Variants in ARHGAP22 observed in about 807,000 individuals in gnomAD.
The protein encoded by ARHGAP22 is Rho GTPase activating protein 22.
Under a neutral mutation model 59.1 loss-of-function variants are expected in ARHGAP22, and 48 were observed. That is an observed-to-expected ratio of 0.81 (90% confidence interval 0.64 to 1.03). The LOEUF is 1.03. Ranked by LOEUF, ARHGAP22 falls within the 50% of genes least tolerant of loss-of-function variation. The pLI, the probability that ARHGAP22 is intolerant of heterozygous loss-of-function variation, is 0.00. For synonymous variants in ARHGAP22, 445 were observed against 416.4 expected, an observed-to-expected ratio of 1.07 and a Z score of -0.84; for missense variants, 1,015 against 958.7, an observed-to-expected ratio of 1.06 and a Z score of -0.78.
chr10:48,634,652 AG>A (rs1212861408), intron 1 of ARHGAP22, among the ~76,000 whole-genome samples: 1 of 152,116 alleles, frequency 6.6e-6, no homozygotes, highest in African/African-American at 2.4e-5. Context: ...TCTTTGGAAT[AG>A]ACTCTCCTCT....
At chr10:48,636,168 G>A (rs2061808822) in intron 1 of ARHGAP22, among the ~76,000 whole-genome samples, 1 of 152,200 alleles carries the variant, frequency 6.6e-6, no homozygotes, top group Non-Finnish European at 1.5e-5. Flanking sequence ...GGGGGTTAAG[G>A]GGTTAATGAC....
At chr10:48,513,887 T>C (rs2053035413) in intron 3 of ARHGAP22, among the ~76,000 whole-genome samples, 1 of 152,178 alleles carries the variant, frequency 6.6e-6, no homozygotes, top group Admixed American at 6.5e-5. Context: ...AAGGAAACTA[T>C]GTCTATATAA....
intron 4 of ARHGAP22, among the ~76,000 whole-genome samples, chr10:48,462,066 C>T (rs889963828): frequency 1.3e-5 from 2 of 152,182 alleles, no homozygotes; most frequent in South Asian, 4.1e-4. Context: ...AACACATGCC[C>T]GCGTGGGCTA....
chr10:48,581,913 G>A (rs2059143710), intron 2 of ARHGAP22, among the ~76,000 whole-genome samples: 1 of 152,192 alleles, frequency 6.6e-6, no homozygotes, highest in Non-Finnish European at 1.5e-5. Context: ...AGTAAGATGA[G>A]GCCTGTTCCC....
chr10:48,518,736 C>T (rs375345337), intron 3 of ARHGAP22, among the ~76,000 whole-genome samples: 1 of 152,192 alleles, frequency 6.6e-6, no homozygotes, highest in Non-Finnish European at 1.5e-5. Context: ...ACACTGGCTA[C>T]TGGAGAAGGG....
At chr10:48,471,836 A>T (rs908917276) in intron 4 of ARHGAP22, among the ~76,000 whole-genome samples, 18 of 152,234 alleles carry the variant, frequency 1.2e-4, no homozygotes, top group Non-Finnish European at 2.2e-4. Flanking sequence ...CAGCAGGCAG[A>T]GTGGTCCTCT....
intron 4 of ARHGAP22, among the ~76,000 whole-genome samples, chr10:48,479,390 T>C (rs1469966990): frequency 6.6e-6 from 1 of 152,084 alleles, no homozygotes; most frequent in Non-Finnish European, 1.5e-5. Context: ...TCCTCACCCC[T>C]GGAATAGAAT....
At chr10:48,603,862 C>T (rs1352488377) in intron 1 of ARHGAP22, among the ~76,000 whole-genome samples, 1 of 152,168 alleles carries the variant, frequency 6.6e-6, no homozygotes, top group African/African-American at 2.4e-5. Context: ...AGGCTGGAGG[C>T]CCCCCGCTGC....
At chr10:48,501,155 T>C (rs1188745400) in intron 3 of ARHGAP22, among the ~76,000 whole-genome samples, 1 of 152,082 alleles carries the variant, frequency 6.6e-6, no homozygotes, top group Non-Finnish European at 1.5e-5. Flanking sequence ...AAAATGAGGG[T>C]GTACTTTATG....
chr10:48,480,082 C>T (rs2049147342), intron 3 of ARHGAP22, among the ~76,000 whole-genome samples: 1 of 152,216 alleles, frequency 6.6e-6, no homozygotes, highest in African/African-American at 2.4e-5. Flanking sequence ...ACTTTCAGTG[C>T]CCCAGGGTGG....
At position 48,555,567 on chromosome 10, in the gene ARHGAP22, C is replaced by T; in HGVS notation, c.235-17G>A. 5 of 1,610,904 alleles carry T rather than the reference C, an allele frequency of 3.1e-6. No homozygotes were observed. The highest frequency in any genetic ancestry group is 4.2e-6 in the Non-Finnish European group (5 of 1,177,098). On this transcript the variant is annotated splice_polypyrimidine_tract_variant and intron_variant, in intron 2 of 9. Transcript: ENST00000249601. ...AATAAATCCCTAAAAAGGAGGCAAACACAAACACAGGGAGCATGAGATGAT... is the reference window on the plus strand; with the variant it reads ...AATAAATCCCTAAAAAGGAGGCAAATACAAACACAGGGAGCATGAGATGAT...
chr10:48,479,419 T>A (rs564542441), intron 4 of ARHGAP22, among the ~76,000 whole-genome samples: 6 of 152,302 alleles, frequency 3.9e-5, no homozygotes, highest in African/African-American at 1.4e-4. Context: ...TTTAGATGTC[T>A]AATACACAGT....
intron 2 of ARHGAP22, among the ~76,000 whole-genome samples, chr10:48,576,285 G>A (rs2058707685): frequency 6.6e-6 from 1 of 152,192 alleles, no homozygotes; most frequent in Non-Finnish European, 1.5e-5. Flanking sequence ...CCAGCGTGGG[G>A]CTCAGTGGCC....
chr10:48,595,815 T>G (rs2060033217), intron 1 of ARHGAP22, among the ~76,000 whole-genome samples: 2 of 152,134 alleles, frequency 1.3e-5, no homozygotes, highest in Admixed American at 1.3e-4. Flanking sequence ...CCAGCTTAAT[T>G]TGTGACTTGC....
chr10:48,585,737 G>C (rs892344246), intron 1 of ARHGAP22, among the ~76,000 whole-genome samples: 4 of 152,190 alleles, frequency 2.6e-5, no homozygotes, highest in African/African-American at 9.7e-5. Context: ...CTCTGTTGCT[G>C]TCCCTCTGCT....
chr10:48,478,061 G>A (rs1440302081), intron 4 of ARHGAP22, among the ~76,000 whole-genome samples: 3 of 152,080 alleles, frequency 2.0e-5, no homozygotes, highest in Non-Finnish European at 4.4e-5. Flanking sequence ...TTATGATAAT[G>A]TTCCTTCCCT....
intron 8 of ARHGAP22, among the ~76,000 whole-genome samples, 172 bp downstream of exon 8, chr10:48,453,132 G>C (rs919283640): frequency 6.6e-6 from 1 of 152,132 alleles, no homozygotes. Flanking sequence ...GGGGGTCGGG[G>C]GTGAGGTCTG....
At chr10:48,470,701 C>CTGAG (rs1159134762) in intron 4 of ARHGAP22, among the ~76,000 whole-genome samples, 1 of 152,204 alleles carries the variant, frequency 6.6e-6, no homozygotes, top group Non-Finnish European at 1.5e-5. Flanking sequence ...GCTTAGTGAC[C>CTGAG]TGAGGCCTAG....
chr10:48,594,934 G>T (rs2059978660), intron 1 of ARHGAP22, among the ~76,000 whole-genome samples: 1 of 136,818 alleles, frequency 7.3e-6, no homozygotes, highest in Admixed American at 8.7e-5. Context: ...ATAGATTACT[G>T]CATGTGAATC....
Sources: gnomAD v4.1 joint callset for allele counts (sites outside exome capture counted in the v4.1 genomes callset) on GRCh38, gnomAD v4.1.1 for gene constraint, MANE v1.5 for transcripts, NCBI Gene and HGNC (gene_info 2026-07-23, HGNC 2026-07-21) for gene names.